Variants in LINGO2 observed in about 807,000 individuals in gnomAD.
LINGO2 encodes the protein leucine rich repeat and Ig domain containing 2.
In LINGO2, 14 loss-of-function variants were observed where a neutral mutation model predicts 30.6. The ratio of observed to expected loss-of-function variants is 0.46; its 90% CI spans 0.30 to 0.72. The LOEUF (loss-of-function observed/expected upper bound fraction) is 0.72. Ranked by LOEUF, LINGO2 falls within the 30% of genes least tolerant of loss-of-function variation. The pLI, the probability that LINGO2 is intolerant of heterozygous loss-of-function variation, is 0.07. For missense variants in LINGO2, 729 were observed against 751.7 expected (o/e 0.97, Z 0.35); for synonymous variants, 317 against 288.5 (o/e 1.10, Z -1.00).
At chr9:28,411,700 T>G (rs138286757) in intron 2 of LINGO2, among the ~76,000 whole-genome samples, 2 of 152,168 alleles carry the variant, frequency 1.3e-5, no homozygotes, top group Non-Finnish European at 2.9e-5. Flanking sequence ...AAACATTTTA[T>G]CTATTGTAAA....
intron 1 of LINGO2, among the ~76,000 whole-genome samples, chr9:28,628,960 T>C (rs1826811470): frequency 6.6e-6 from 1 of 152,090 alleles, no homozygotes; most frequent in Non-Finnish European, 1.5e-5. Context: ...TTACCATTCG[T>C]AAAAGCATAG....
At chr9:28,324,253 G>A (rs182171916) in intron 3 of LINGO2, among the ~76,000 whole-genome samples, 3 of 152,104 alleles carry the variant, frequency 2.0e-5, no homozygotes, top group South Asian at 2.1e-4. Context: ...AATAATAGCC[G>A]TATCCCTTCC....
At chr9:28,194,673 A>G (rs1194434804) in intron 4 of LINGO2, among the ~76,000 whole-genome samples, 1 of 151,946 alleles carries the variant, frequency 6.6e-6, no homozygotes, top group African/African-American at 2.4e-5. Flanking sequence ...ATGGAAAACA[A>G]TGTGACATAG....
the LINGO2 span, among the ~76,000 whole-genome samples, chr9:28,682,628 T>C: frequency 6.6e-6 from 1 of 152,164 alleles, no homozygotes; most frequent in African/African-American, 2.4e-5. Context: ...GTCTATATAT[T>C]GTTTTTGCAG....
chr9:28,717,049 T>C, the LINGO2 span, among the ~76,000 whole-genome samples: 4 of 152,038 alleles, frequency 2.6e-5, no homozygotes, highest in Non-Finnish European at 5.9e-5. Context: ...AGGGTAACTA[T>C]GAGACAGCAA....
chr9:28,556,040 T>C (rs1460209806), intron 1 of LINGO2, among the ~76,000 whole-genome samples: 1 of 152,062 alleles, frequency 6.6e-6, no homozygotes. Context: ...GCCAATATCA[T>C]ACTGAATGGG....
chr9:29,180,618 C>T, the LINGO2 span, among the ~76,000 whole-genome samples: 1 of 152,156 alleles, frequency 6.6e-6, no homozygotes, highest in African/African-American at 2.4e-5. Flanking sequence ...TATATGTGAT[C>T]ACACACTTTT....
At chr9:28,873,391 G>GAAAAAAAAAAAAAAAA in the LINGO2 span, among the ~76,000 whole-genome samples, 1 of 123,064 alleles carries the variant, frequency 8.1e-6, no homozygotes, top group Non-Finnish European at 1.8e-5. Flanking sequence ...AAAAAAAAAA[G>GAAAAAAAAAAAAAAAA]AAAAAAAAAA....
At chr9:29,116,453 C>T in the LINGO2 span, among the ~76,000 whole-genome samples, 1 of 139,880 alleles carries the variant, frequency 7.1e-6, no homozygotes, top group Non-Finnish European at 1.6e-5. Context: ...TCCCTTTTAT[C>T]TTGTTTTTAA....
the LINGO2 span, among the ~76,000 whole-genome samples, chr9:29,018,542 T>A: frequency 6.6e-6 from 1 of 152,126 alleles, no homozygotes; most frequent in Non-Finnish European, 1.5e-5. Context: ...ACTCATTTAA[T>A]CCTCACAATA....
chr9:29,183,558 G>A, the LINGO2 span, among the ~76,000 whole-genome samples: 4 of 152,180 alleles, frequency 2.6e-5, no homozygotes, highest in Non-Finnish European at 4.4e-5. Flanking sequence ...AGAAGTGATA[G>A]TTAACAGACG....
the LINGO2 span, among the ~76,000 whole-genome samples, chr9:28,936,000 A>G: frequency 6.6e-6 from 1 of 152,154 alleles, no homozygotes; most frequent in Non-Finnish European, 1.5e-5. Context: ...TTTGTTCTAC[A>G]GAGATAGCAA....
At chr9:28,798,276 G>C in the LINGO2 span, among the ~76,000 whole-genome samples, 1 of 150,944 alleles carries the variant, frequency 6.6e-6, no homozygotes, top group Non-Finnish European at 1.5e-5. Context: ...TAGTAGGATG[G>C]AAAAAAAAAC....
At chr9:28,604,481 T>G (rs1182679985) in intron 1 of LINGO2, among the ~76,000 whole-genome samples, 1 of 152,042 alleles carries the variant, frequency 6.6e-6, no homozygotes, top group Non-Finnish European at 1.5e-5. Flanking sequence ...ACAATGACAT[T>G]TAATTATCAT....
At chr9:29,073,172 A>G in the LINGO2 span, among the ~76,000 whole-genome samples, 1 of 152,284 alleles carries the variant, frequency 6.6e-6, no homozygotes, top group Middle Eastern at 3.4e-3. Context: ...ATATATGTAT[A>G]TATACATACA....
At chr9:28,783,148 C>G in the LINGO2 span, among the ~76,000 whole-genome samples, 1 of 152,118 alleles carries the variant, frequency 6.6e-6, no homozygotes, top group Non-Finnish European at 1.5e-5. Flanking sequence ...TTCTGGTGCT[C>G]AACTTAAGCT....
intron 4 of LINGO2, among the ~76,000 whole-genome samples, chr9:28,246,981 A>C (rs535070160): frequency 6.6e-6 from 1 of 152,218 alleles, no homozygotes; most frequent in Non-Finnish European, 1.5e-5. Flanking sequence ...GAAGAAATTT[A>C]GGTAGCCAAC....
At chr9:28,550,138 G>C (rs544243468) in intron 1 of LINGO2, among the ~76,000 whole-genome samples, 28 of 151,932 alleles carry the variant, frequency 1.8e-4, no homozygotes, top group Admixed American at 3.9e-4. Context: ...TGCATTATTT[G>C]AGTACTTGCC....
In LINGO2 at chr9:28,147,554, G is replaced by A. The variant is rs1827848376; in HGVS notation, c.-86-135149C>T. 6.6e-6 allele frequency among the ~76,000 whole-genome samples: 1 copy of A among 152,180 alleles called. No individual in the cohort carries two copies. The highest frequency in any genetic ancestry group is 1.5e-5 in the Non-Finnish European group (1 of 68,016). On this transcript the variant is annotated intron_variant, in intron 4 of 5. Coordinates refer to ENST00000379992, the Ensembl canonical transcript of LINGO2. The surrounding 1 kb of genome is among the most constrained non-coding windows in gnomAD (Gnocchi z 4.7). ...AGCCTGGCGGGATCTGGCTGGTCCTGTGCTCTGCTTCCAGGTTCTGGCCCT... is the reference window on the plus strand; with the variant it reads ...AGCCTGGCGGGATCTGGCTGGTCCTATGCTCTGCTTCCAGGTTCTGGCCCT...
Sources: allele counts gnomAD v4.1 joint callset (sites outside exome capture counted in the v4.1 genomes callset), GRCh38; gene constraint gnomAD v4.1.1; non-coding constraint Gnocchi (gnomAD v3.1); transcripts MANE v1.5; gene names NCBI Gene and HGNC (gene_info 2026-07-23, HGNC 2026-07-21).